The following WNT4 variants were observed in gnomAD, a reference collection of about 807,000 sequenced individuals.
WNT4 encodes the protein protein Wnt-4.
Under a neutral mutation model 34.5 loss-of-function variants are expected in WNT4, and 16 were observed. The ratio of observed to expected loss-of-function variants is 0.46; its 90% CI spans 0.31 to 0.70. The LOEUF (loss-of-function observed/expected upper bound fraction) is 0.70. Ranked by LOEUF, WNT4 falls within the 30% of genes least tolerant of loss-of-function variation. WNT4 has a pLI of 0.04. For missense variants in WNT4, 379 were observed against 495.9 expected, an observed-to-expected ratio of 0.76 and a Z score of 2.24; for synonymous variants, 200 against 211.9, an observed-to-expected ratio of 0.94 and a Z score of 0.49.
At chr1:22,133,359 G>A (rs1645997898) in intron 1 of WNT4, among the ~76,000 whole-genome samples, 1 of 152,144 alleles carries the variant, frequency 6.6e-6, no homozygotes, top group Non-Finnish European at 1.5e-5. Flanking sequence ...TTGATCTGCT[G>A]AGAGCCTGGA....
chr1:22,122,951 A>G (rs925546439), intron 2 of WNT4, among the ~76,000 whole-genome samples: 10 of 152,162 alleles, frequency 6.6e-5, no homozygotes, highest in African/African-American at 2.4e-4. Flanking sequence ...TGGCTTGGCC[A>G]TTTTGGGTCA....
intron 1 of WNT4, among the ~76,000 whole-genome samples, chr1:22,141,055 C>T (rs1646062233): frequency 6.6e-6 from 1 of 152,176 alleles, no homozygotes; most frequent in African/African-American, 2.4e-5. Flanking sequence ...GGGACAGCTT[C>T]AGGGAAGGGG....
Position 22,120,391 on chromosome 1 carries a change from C to G in WNT4, c.715G>C (p.Asp239His), listed in dbSNP as rs754735550. The stretch of plus-strand genomic sequence containing the variant: ...CGTGGCTCCACCTCAGTGGCACCAT[C>G]AAACTTCTCCTTCAGTGCGTGACCC... ...QVGHALKEKF[D>H]GATEVEPRRV... Residue 239 changes from aspartate (D) to histidine (H), a missense_variant, in exon 5 of 5, where the codon GAT becomes CAT. Physicochemically the swap from Asp to His is moderately conservative, Grantham distance 81. This residue lies in a region of WNT4 where 313 missense variants were observed against 445.8 expected (regional missense o/e 0.70). Coordinates refer to ENST00000290167, the MANE Select transcript of WNT4 (RefSeq NM_030761.5). 1.1e-5 allele frequency: 17 copies of G among 1,614,174 alleles called. No homozygotes were observed. The highest frequency in any genetic ancestry group is 1.3e-5 in the African/African-American group (1 of 75,076).
chr1:22,120,038 C>CT lies in WNT4; in HGVS notation c.*11dup, dbSNP rs770688675. The CT allele has an allele frequency of 6.2e-7, 1 of 1,605,198 alleles. No individual in the cohort carries two copies. The highest frequency in any genetic ancestry group is 2.2e-5 in the East Asian group (1 of 44,862). The stretch of plus-strand genomic sequence containing the variant: ...CCACTAGGTGGTTGCCGGCGCAGGG[C>CT]TAGGCAGGCGGTCATCGGCACGTGT... On this transcript the variant is annotated 3_prime_UTR_variant, in exon 5 of 5. Transcript: ENST00000290167.
rs1420816020 is a variant in WNT4 at position 22,121,226 on chromosome 1, A to G, written c.573T>C (p.Asn191=). 5.0e-6 allele frequency: 8 copies of G among 1,593,710 alleles called. No homozygotes were observed. Among genetic ancestry groups the G allele is most frequent in the African/African-American group, 1.4e-5 (1 of 73,856 alleles). The change falls in exon 4 of 5, where the codon AAT becomes AAC. Residue 191 remains asparagine, a synonymous_variant. Coordinates refer to ENST00000290167, the MANE Select transcript of WNT4 (RefSeq NM_030761.5). The part of the protein sequence containing the change: ...SSRALMNLHN[N]EAGRKAILTH... The stretch of plus-strand genomic sequence containing the variant: ...GCCACACTACCTTCCTGCCGGCCTC[A>G]TTGTTGTGGAGGTTCATGAGGGCTC...
Position 22,120,008 on chromosome 1 carries a change from CTGGGCCACTAGG to C in WNT4, c.*30_*41del. On this transcript the variant is annotated 3_prime_UTR_variant, in exon 5 of 5. Transcript: ENST00000290167. ...AGACTGTTTAAATTATCGGCCTTCC[CTGGGCCACTAGG>C]TGGTTGCCGGCGCAGGGCTAGGCAG... is the stretch of plus-strand genomic sequence containing the variant. 1 of 1,596,426 alleles carries C rather than the reference CTGGGCCACTAGG, an allele frequency of 6.3e-7. No homozygotes were observed. The highest frequency in any genetic ancestry group is 8.5e-7 in the Non-Finnish European group (1 of 1,176,210).
At chr1:22,124,777 G>A (rs190049292) in intron 2 of WNT4, among the ~76,000 whole-genome samples, 85 of 152,292 alleles carry the variant, frequency 5.6e-4, no homozygotes, top group Admixed American at 3.9e-4. Flanking sequence ...TGGAGAACTG[G>A]CTAAGGCTGA....
At chr1:22,122,509 C>T (rs1238023491) in intron 2 of WNT4, among the ~76,000 whole-genome samples, 1 of 152,186 alleles carries the variant, frequency 6.6e-6, no homozygotes, top group Non-Finnish European at 1.5e-5. Context: ...GTTGTGGACT[C>T]TCTTTCTGGA....
chr1:22,132,384 C>A (rs553211567), intron 1 of WNT4, among the ~76,000 whole-genome samples: 2 of 152,296 alleles, frequency 1.3e-5, no homozygotes, highest in South Asian at 2.1e-4. Context: ...GCAGGGGGGG[C>A]AGCCTCTGAC....
chr1:22,138,092 C>T (rs897381372), intron 1 of WNT4, among the ~76,000 whole-genome samples: 2 of 152,172 alleles, frequency 1.3e-5, no homozygotes, highest in Non-Finnish European at 2.9e-5. Context: ...TGTTTATAAC[C>T]TTGTAGAAGC....
At chr1:22,132,655 G>C (rs1021787536) in intron 1 of WNT4, among the ~76,000 whole-genome samples, 5 of 152,326 alleles carry the variant, frequency 3.3e-5, no homozygotes, top group Middle Eastern at 3.4e-3. Flanking sequence ...CTCAGCAAGG[G>C]GAGACTGGCT....
At chr1:22,133,746 G>A (rs1646000596) in intron 1 of WNT4, among the ~76,000 whole-genome samples, 1 of 152,216 alleles carries the variant, frequency 6.6e-6, no homozygotes, top group African/African-American at 2.4e-5. Context: ...CCCTGCTGCT[G>A]CTACCAGCCA....
At chr1:22,123,009 A>G (rs905892973) in intron 2 of WNT4, among the ~76,000 whole-genome samples, 5 of 152,184 alleles carry the variant, frequency 3.3e-5, no homozygotes, top group African/African-American at 1.2e-4. Flanking sequence ...AGCCTGAGAC[A>G]GAGTCTTCTC....
At chr1:22,122,251 A>G (rs559130495) in intron 2 of WNT4, among the ~76,000 whole-genome samples, 4 of 152,286 alleles carry the variant, frequency 2.6e-5, no homozygotes, top group South Asian at 2.1e-4. Context: ...GATACCTATT[A>G]TGCATAAGCC....
intron 4 of WNT4, among the ~76,000 whole-genome samples, 159 bp from the exon 5 acceptor site, chr1:22,120,676 G>A (rs1346839257): frequency 6.6e-6 from 1 of 152,236 alleles, no homozygotes; most frequent in East Asian, 1.9e-4. Flanking sequence ...GTACTGGGCT[G>A]CTAAGCAGTG....
chr1:22,132,423 A>G (rs914729622), intron 1 of WNT4, among the ~76,000 whole-genome samples: 1 of 152,162 alleles, frequency 6.6e-6, no homozygotes, highest in Non-Finnish European at 1.5e-5. Flanking sequence ...AGTCCCTGCC[A>G]TACTTGGAGC....
In WNT4 at chr1:22,121,523, C is replaced by CA; in HGVS notation, c.366dup (p.Ala123CysfsTer17). 6.2e-7 allele frequency: 1 copy of CA among 1,614,006 alleles called. No homozygotes were observed. Among genetic ancestry groups the CA allele is most frequent in the Non-Finnish European group, 8.5e-7 (1 of 1,180,040 alleles). On this transcript the variant is annotated frameshift_variant, in exon 3 of 5. Coordinates refer to ENST00000290167, the MANE Select transcript of WNT4 (RefSeq NM_030761.5). LOFTEE classifies it high-confidence loss of function. ...CCACTGCTGCACGCCCGCGTCACTG[C>CA]AAAGGCCACACCTGCCGAAGAGATG...
intron 4 of WNT4, 101 bp from the exon 5 acceptor site, chr1:22,120,618 G>A: frequency 8.2e-7 from 1 of 1,215,866 alleles, no homozygotes; most frequent in Non-Finnish European, 1.2e-6. Flanking sequence ...CCCTGGGGCT[G>A]ACGCTGCAGT....
rs1306215649 is a variant in WNT4, at chr1:22,129,850, A to G, written c.79T>C (p.Tyr27His). The G allele has an allele frequency of 6.2e-7, 1 of 1,613,430 alleles. No individual in the cohort carries two copies. The highest frequency in any genetic ancestry group is 2.2e-5 in the East Asian group (1 of 44,844). The part of the protein sequence containing the change: ...VFSAAASNWL[Y>H]LAKLSSVGSI... Reference sequence around the variant, plus strand: ...CCCACCGACGACAGCTTGGCCAGGTACCTGGGGAGAGGGTGACACGTGATG... The same window carrying G: ...CCCACCGACGACAGCTTGGCCAGGTGCCTGGGGAGAGGGTGACACGTGATG... The change falls in exon 2 of 5, where the codon TAC becomes CAC. Residue 27 changes from tyrosine to histidine, a missense_variant and splice_region_variant. This residue lies in a region of WNT4 where 66 missense variants were observed against 50.1 expected (regional missense o/e 1.32). Coordinates refer to ENST00000290167, the MANE Select transcript of WNT4 (RefSeq NM_030761.5).
Sources: gnomAD v4.1 joint callset for allele counts (sites outside exome capture counted in the v4.1 genomes callset) on GRCh38, gnomAD v4.1.1 for gene constraint, gnomAD v4.1.1 regional missense constraint, MANE v1.5 for transcripts, NCBI Gene and HGNC (gene_info 2026-07-23, HGNC 2026-07-21) for gene names.